The following ACACA variants were observed in gnomAD, a reference collection of about 807,000 sequenced individuals.
ACACA encodes the protein acetyl-CoA carboxylase 1.
In ACACA, 103 loss-of-function variants were observed where a neutral mutation model predicts 296.1. The ratio of observed to expected loss-of-function variants is 0.35; its 90% CI spans 0.30 to 0.41. The LOEUF is 0.41. Ranked by LOEUF, ACACA falls within the 10% of genes least tolerant of loss-of-function variation. The pLI is 1.00. For missense variants in ACACA, 1,554 were observed against 2,989.7 expected (o/e 0.52, Z 11.20); for synonymous variants, 953 against 1,038.6 (o/e 0.92, Z 1.58).
chr17:37,346,701 CAAA>C (rs1233696565), intron 1 of ACACA, among the ~76,000 whole-genome samples: 5 of 36,698 alleles, frequency 1.4e-4, no homozygotes, highest in African/African-American at 2.1e-4. Context: ...GACTCCATCT[CAAA>C]AAAAAAAAAA....
At chr17:37,270,705 T>A in intron 10 of ACACA, 46 bp downstream of exon 10, 1 of 1,344,258 alleles carries the variant, frequency 7.4e-7, no homozygotes, top group South Asian at 1.2e-5. Context: ...CATATATCTC[T>A]GATATACATG....
At chr17:37,219,622 C>T (rs1282460151) in intron 29 of ACACA, among the ~76,000 whole-genome samples, 1 of 150,430 alleles carries the variant, frequency 6.6e-6, no homozygotes, top group African/African-American at 2.4e-5. Context: ...GGTTATAAAT[C>T]CAAATTTTAA....
chr17:37,314,238 T>C (rs933825250), intron 3 of ACACA, among the ~76,000 whole-genome samples: 4 of 151,860 alleles, frequency 2.6e-5, no homozygotes, highest in African/African-American at 9.7e-5. Context: ...TAGCTGGGAC[T>C]ACAGGTGCCC....
intron 54 of ACACA, among the ~76,000 whole-genome samples, chr17:37,090,237 T>G (rs2072522304): frequency 6.6e-6 from 1 of 152,204 alleles, no homozygotes; most frequent in Non-Finnish European, 1.5e-5. Flanking sequence ...ATTTTCTAAC[T>G]ATCTCGTGCC....
chr17:37,304,772 A>G (rs547264258), intron 3 of ACACA, among the ~76,000 whole-genome samples: 26 of 149,760 alleles, frequency 1.7e-4, no homozygotes, highest in Non-Finnish European at 3.1e-4. Flanking sequence ...CTGGGCAACA[A>G]GAGCGAAACT....
In ACACA at chr17:37,202,668, C is replaced by CATAT. The variant is rs1179497445; in HGVS notation, c.4057-2189_4057-2186dup. Among the ~76,000 whole-genome samples, 332 of 70,220 alleles carry CATAT rather than the reference C, an allele frequency of 4.7e-3. 4 individuals carry two copies. The highest frequency in any genetic ancestry group is 9.4e-3 in the Middle Eastern group (1 of 106). 46.1% of individuals were successfully genotyped at this position (70,220 alleles called of 152,430 possible). ...AAATTGCTTTTCTTTCCTTTTCTTT[C>CATAT]ATATATATATATATATATATATATA... On this transcript the variant is annotated intron_variant, in intron 33 of 55. Transcript: ENST00000616317.
At position 37,085,653 on chromosome 17, in the gene ACACA, G is replaced by C. The variant is rs2072150255; in HGVS notation, c.*1663C>G. ...CCTTCCACCAGGGCAGCCGGGCTGA[G>C]GCTCTGACTCCTGGGGGCTGTCCGC... On this transcript the variant is annotated 3_prime_UTR_variant, in exon 56 of 56. Coordinates refer to ENST00000616317, the MANE Select transcript of ACACA (RefSeq NM_198834.3). The C allele has an allele frequency of 5.0e-6, 2 of 399,070 alleles. No homozygotes were observed. The highest frequency in any genetic ancestry group is 2.5e-4 in the South Asian group (2 of 7,858). 24.7% of individuals were successfully genotyped at this position (399,070 alleles called of 1,614,324 possible). A position where few individuals can be genotyped will look rare whatever the true frequency, so the allele number is the denominator to read the frequency against.
intron 1 of ACACA, among the ~76,000 whole-genome samples, chr17:37,357,243 A>T (rs2049184156): frequency 6.6e-6 from 1 of 152,216 alleles, no homozygotes; most frequent in Non-Finnish European, 1.5e-5. Flanking sequence ...CTATAATCCC[A>T]GCACTTTGGG....
intron 45 of ACACA, among the ~76,000 whole-genome samples, chr17:37,147,973 G>C (rs566252433): frequency 6.6e-6 from 1 of 152,082 alleles, no homozygotes; most frequent in African/African-American, 2.4e-5. Context: ...TCTGCTTTTT[G>C]TAATATTCTT....
intron 43 of ACACA, 98 bp downstream of exon 43, chr17:37,155,585 G>A (rs1488548426): frequency 3.0e-5 from 25 of 842,082 alleles, no homozygotes; most frequent in South Asian, 2.4e-4. Context: ...CATCTTCAAT[G>A]TTCTTCAAGG....
At chr17:37,392,472 G>T (rs907852151) in intron 1 of ACACA, 2 of 152,112 alleles carry the variant, frequency 1.3e-5, no homozygotes, top group Non-Finnish European at 2.9e-5. Flanking sequence ...AATCTAACCT[G>T]CTTAAATAAG....
chr17:37,401,582 C>T (rs764416738), intron 1 of ACACA, among the ~76,000 whole-genome samples: 91 of 141,896 alleles, frequency 6.4e-4, no homozygotes, highest in Non-Finnish European at 1.0e-3. Flanking sequence ...TTTTTCCAGA[C>T]GAGGTCTCAC....
rs1450405488 is a variant in ACACA at position 37,125,685 on chromosome 17, A to T, written c.6041+13T>A. 1.9e-6 allele frequency: 3 copies of T among 1,606,180 alleles called. No individual in the cohort carries two copies. The highest frequency in any genetic ancestry group is 2.6e-6 in the Non-Finnish European group (3 of 1,173,204). ...GGGAGGAAAAAGAGCTGCCAAAACA[A>T]AAGAGCTCTTACCTGGCTCTACCAA... On this transcript the variant is annotated intron_variant, in intron 48 of 55. Coordinates refer to ENST00000616317, the MANE Select transcript of ACACA (RefSeq NM_198834.3).
At chr17:37,208,201 T>C (rs1279569823) in intron 30 of ACACA, among the ~76,000 whole-genome samples, 1 of 152,162 alleles carries the variant, frequency 6.6e-6, no homozygotes, top group Non-Finnish European at 1.5e-5. Flanking sequence ...GAGTTGTAAC[T>C]ATGCAATGCT....
In ACACA at chr17:37,259,480, C is replaced by T. The variant is rs1314927130; in HGVS notation, c.1380G>A (p.Val460=). ...KMVGYVSAGT[V]EYLYSQDGSF... is the part of the protein sequence containing the mutation. Reference sequence around the variant, plus strand: ...TGCCATCCTGGCTGTACAGGTATTCCACAGTCCCAGCACTCACATAACCCA... The same window carrying T: ...TGCCATCCTGGCTGTACAGGTATTCTACAGTCCCAGCACTCACATAACCCA... Residue 460 remains valine, a synonymous_variant, in exon 12 of 56, where the codon GTG becomes GTA. Coordinates refer to ENST00000616317, the MANE Select transcript of ACACA (RefSeq NM_198834.3). 1 of 1,614,032 alleles carries T rather than the reference C, an allele frequency of 6.2e-7. No individual in the cohort carries two copies. The highest frequency in any genetic ancestry group is 1.3e-5 in the African/African-American group (1 of 74,900).
chr17:37,234,686 A>T (rs1053412052), intron 25 of ACACA, among the ~76,000 whole-genome samples: 1 of 152,220 alleles, frequency 6.6e-6, no homozygotes, highest in Non-Finnish European at 1.5e-5. Context: ...CATGATGACC[A>T]CAGGAATGGT....
intron 38 of ACACA, among the ~76,000 whole-genome samples, chr17:37,190,162 C>T (rs2145070002): frequency 6.6e-6 from 1 of 152,204 alleles, no homozygotes; most frequent in African/African-American, 2.4e-5. Flanking sequence ...GGCACGGTGG[C>T]TCACACCTGT....
chr17:37,326,360 T>C (rs1026096516), intron 3 of ACACA, among the ~76,000 whole-genome samples: 11 of 151,558 alleles, frequency 7.3e-5, no homozygotes, highest in African/African-American at 2.7e-4. Flanking sequence ...GGAGAAACCC[T>C]GTCTCTACTA....
intron 1 of ACACA, among the ~76,000 whole-genome samples, chr17:37,395,448 CT>C (rs2051047377): frequency 6.7e-6 from 1 of 149,070 alleles, no homozygotes; most frequent in South Asian, 2.1e-4. Flanking sequence ...AAAAAAAAAT[CT>C]GTCTCTTCTT....
Sources: allele counts gnomAD v4.1 joint callset (sites outside exome capture counted in the v4.1 genomes callset), GRCh38; gene constraint gnomAD v4.1.1; transcripts MANE v1.5; gene names NCBI Gene and HGNC (gene_info 2026-07-23, HGNC 2026-07-21).